SLC24A3: variants seen among roughly 807,000 people sequenced by gnomAD.
SLC24A3 encodes sodium/potassium/calcium exchanger 3.
A neutral mutation model predicts 75.8 loss-of-function variants in SLC24A3; 28 were observed. The observed-to-expected ratio is 0.37, with a 90% CI of 0.27 to 0.51. The LOEUF is 0.51. Among genes scored for constraint, SLC24A3 ranks in the 20% least tolerant of loss-of-function variants. The probability of loss-of-function intolerance (pLI) is 0.94; values close to 1 mark genes in which losing one functional copy is unlikely to be tolerated. For synonymous variants in SLC24A3, 372 were observed against 334.1 expected, an observed-to-expected ratio of 1.11 and a Z score of -1.24; for missense variants, 663 against 847.8, an observed-to-expected ratio of 0.78 and a Z score of 2.71.
At chr20:19,594,773 G>A (rs1033415011) in intron 6 of SLC24A3, among the ~76,000 whole-genome samples, 1 of 152,126 alleles carries the variant, frequency 6.6e-6, no homozygotes, top group African/African-American at 2.4e-5. Context: ...GTGAGATAGG[G>A]AGAAGATATA....
At chr20:19,408,396 T>G (rs1045114677) in intron 2 of SLC24A3, among the ~76,000 whole-genome samples, 3 of 151,382 alleles carry the variant, frequency 2.0e-5, no homozygotes, top group Non-Finnish European at 4.4e-5. Context: ...AATACTTTTT[T>G]TTTTTTTTTT....
chr20:19,371,991 T>A (rs909653081), intron 2 of SLC24A3, among the ~76,000 whole-genome samples: 1 of 152,076 alleles, frequency 6.6e-6, no homozygotes, highest in African/African-American at 2.4e-5. Flanking sequence ...TATGCCATCA[T>A]CCCCAGACCA....
intron 2 of SLC24A3, among the ~76,000 whole-genome samples, chr20:19,490,357 A>G (rs553807767): frequency 3.9e-5 from 6 of 152,318 alleles, no homozygotes; most frequent in Admixed American, 3.9e-4. Context: ...GTCTCCTGCC[A>G]TATACTTCAT....
At chr20:19,276,533 C>T (rs555725084) in intron 1 of SLC24A3, among the ~76,000 whole-genome samples, 30 of 152,286 alleles carry the variant, frequency 2.0e-4, no homozygotes, top group Admixed American at 2.6e-4. Flanking sequence ...ACACTGTAGG[C>T]AGTTGTAACA....
chr20:19,451,295 T>C (rs999811634), intron 2 of SLC24A3, among the ~76,000 whole-genome samples: 1 of 152,190 alleles, frequency 6.6e-6, no homozygotes, highest in Non-Finnish European at 1.5e-5. Flanking sequence ...TCCTTGGGCA[T>C]TGCACATCCT....
At chr20:19,251,115 A>G (rs1172011672) in intron 1 of SLC24A3, among the ~76,000 whole-genome samples, 1 of 152,236 alleles carries the variant, frequency 6.6e-6, no homozygotes, top group Non-Finnish European at 1.5e-5. Flanking sequence ...GACTTTTGTC[A>G]TGCAGCTGCC....
intron 16 of SLC24A3, among the ~76,000 whole-genome samples, chr20:19,718,522 C>G (rs544943500): frequency 6.6e-6 from 1 of 152,138 alleles, no homozygotes; most frequent in African/African-American, 2.4e-5. Context: ...TACAAATGAG[C>G]GACTGAGGCC....
At chr20:19,709,607 G>A (rs1467612690) in intron 15 of SLC24A3, among the ~76,000 whole-genome samples, 2 of 151,992 alleles carry the variant, frequency 1.3e-5, no homozygotes, top group African/African-American at 4.8e-5. Flanking sequence ...GGGTGACACA[G>A]CAAGACTCCA....
chr20:19,372,984 A>C (rs990369765), intron 2 of SLC24A3, among the ~76,000 whole-genome samples: 2 of 152,176 alleles, frequency 1.3e-5, no homozygotes, highest in Non-Finnish European at 2.9e-5. Flanking sequence ...AAGTGAAATG[A>C]ATTGCACAGA....
At chr20:19,644,909 T>C (rs1042509436) in intron 6 of SLC24A3, among the ~76,000 whole-genome samples, 11 of 152,222 alleles carry the variant, frequency 7.2e-5, no homozygotes, top group African/African-American at 2.7e-4. Context: ...TACATCTTTA[T>C]TTTCACTAAG....
intron 6 of SLC24A3, among the ~76,000 whole-genome samples, chr20:19,591,342 A>C (rs1274895680): frequency 6.6e-6 from 1 of 152,064 alleles, no homozygotes; most frequent in Non-Finnish European, 1.5e-5. Flanking sequence ...AAAAATCCCA[A>C]CTCTAACTGG....
intron 6 of SLC24A3, among the ~76,000 whole-genome samples, chr20:19,588,276 CAT>C (rs1188468247): frequency 6.6e-6 from 1 of 152,188 alleles, no homozygotes; most frequent in Non-Finnish European, 1.5e-5. Context: ...TAAATCCAAT[CAT>C]GGATTTCACT....
intron 6 of SLC24A3, among the ~76,000 whole-genome samples, chr20:19,609,804 A>G (rs6112487): frequency 0.011 from 1,688 of 152,292 alleles, 17 homozygotes; most frequent in Middle Eastern, 0.041. Flanking sequence ...TAATGGGAGA[A>G]GTGTCTTTCT....
intron 1 of SLC24A3, among the ~76,000 whole-genome samples, chr20:19,215,420 G>T (rs550225382): frequency 6.6e-6 from 1 of 152,126 alleles, no homozygotes; most frequent in African/African-American, 2.4e-5. Flanking sequence ...CACCATTTGG[G>T]TGTAGCTTTG....
At chr20:19,472,253 G>C (rs968013853) in intron 2 of SLC24A3, among the ~76,000 whole-genome samples, 4 of 152,312 alleles carry the variant, frequency 2.6e-5, no homozygotes, top group Admixed American at 2.0e-4. Context: ...TCACCTGCCT[G>C]GGGGCCCTGC....
chr20:19,384,805 G>A (rs567767706), intron 2 of SLC24A3, among the ~76,000 whole-genome samples: 21 of 152,262 alleles, frequency 1.4e-4, no homozygotes, highest in African/African-American at 5.1e-4. Flanking sequence ...CAAAAGTGTA[G>A]AAGAGTTTCT....
chr20:19,526,724 C>T (rs892844857), intron 3 of SLC24A3, among the ~76,000 whole-genome samples: 4 of 152,132 alleles, frequency 2.6e-5, no homozygotes, highest in Non-Finnish European at 4.4e-5. Flanking sequence ...GGTTCAAACC[C>T]CAGCCTTGCT....
chr20:19,499,339 G>T (rs1212491521), intron 2 of SLC24A3, among the ~76,000 whole-genome samples: 1 of 152,220 alleles, frequency 6.6e-6, no homozygotes, highest in African/African-American at 2.4e-5. Context: ...GAAGCTAGAA[G>T]TCTGAGAACT....
chr20:19,274,083 G>A (rs930885443), intron 1 of SLC24A3, among the ~76,000 whole-genome samples: 7 of 151,230 alleles, frequency 4.6e-5, no homozygotes, highest in African/African-American at 1.7e-4. Flanking sequence ...CCTATTGAAG[G>A]GACTGAAAAC....
Sources: gnomAD v4.1 joint callset for allele counts (sites outside exome capture counted in the v4.1 genomes callset) on GRCh38, gnomAD v4.1.1 for gene constraint, MANE v1.5 for transcripts, NCBI Gene and HGNC (gene_info 2026-07-23, HGNC 2026-07-21) for gene names.